The following RFX2 variants were observed in gnomAD, a reference collection of about 807,000 sequenced individuals.
The protein encoded by RFX2 is DNA-binding protein RFX2.
RFX2 carries 20 observed loss-of-function variants against 87.8 expected under a neutral mutation model. The ratio of observed to expected loss-of-function variants is 0.23; its 90% CI spans 0.16 to 0.33. The LOEUF is 0.33. Among genes scored for constraint, RFX2 ranks in the 10% least tolerant of loss-of-function variants. RFX2 has a pLI of 1.00. For missense variants in RFX2, 767 were observed against 1,012.3 expected (o/e 0.76, Z 3.29); for synonymous variants, 397 against 431.3 (o/e 0.92, Z 0.98).
intron 5 of RFX2, among the ~76,000 whole-genome samples, chr19:6,036,571 A>G (rs2087027736): frequency 1.3e-5 from 2 of 152,242 alleles, no homozygotes; most frequent in South Asian, 4.1e-4. Context: ...CCAAAATAAG[A>G]AGTTATTGTG....
rs1226909087 is a variant in RFX2, at chr19:6,024,609, G to T, written c.597+1554C>A. Among the ~76,000 whole-genome samples, 1 of 152,184 alleles carries T rather than the reference G, an allele frequency of 6.6e-6. No individual in the cohort carries two copies. Among genetic ancestry groups the T allele is most frequent in the Non-Finnish European group, 1.5e-5 (1 of 68,036 alleles). The stretch of plus-strand genomic sequence containing the variant: ...CACCTGTACCTAACCCATAACCCAG[G>T]TTTCTGGACCTGTCCTACATCACTT... On this transcript the variant is annotated intron_variant, in intron 6 of 17. Coordinates refer to ENST00000303657, the MANE Select transcript of RFX2 (RefSeq NM_000635.4). The surrounding 1 kb of genome is among the most constrained non-coding windows in gnomAD (Gnocchi z 5.0).
At chr19:6,089,838 T>C (rs1220103044) in intron 1 of RFX2, among the ~76,000 whole-genome samples, 1 of 152,204 alleles carries the variant, frequency 6.6e-6, no homozygotes, top group Non-Finnish European at 1.5e-5. Context: ...TTACATGTGC[T>C]GGGGACCTTC....
At chr19:6,102,974 T>G (rs2088150796) in intron 1 of RFX2, among the ~76,000 whole-genome samples, 1 of 152,124 alleles carries the variant, frequency 6.6e-6, no homozygotes, top group South Asian at 2.1e-4. Flanking sequence ...TCGTTTTTTA[T>G]TATGAATTAC....
Position 6,045,007 on chromosome 19 carries a change from G to C in RFX2, c.91-725C>G, listed in dbSNP as rs576853750. 6.6e-6 allele frequency among the ~76,000 whole-genome samples: 1 copy of C among 152,202 alleles called. No individual in the cohort carries two copies. The highest frequency in any genetic ancestry group is 1.5e-5 in the Non-Finnish European group (1 of 68,044). Reference sequence around the variant, plus strand: ...GGGTCAAAGTGAACTCGAGTCGAGGGAGGAACAGGAGTGTTTTGTGTGTTT... The same window carrying C: ...GGGTCAAAGTGAACTCGAGTCGAGGCAGGAACAGGAGTGTTTTGTGTGTTT... On this transcript the variant is annotated intron_variant, in intron 2 of 17. Transcript: ENST00000303657. This position sits in a 1 kb window ranked among gnomAD's most constrained non-coding sequence, Gnocchi z 5.2.
chr19:6,106,895 T>C (rs2144919432), intron 1 of RFX2, among the ~76,000 whole-genome samples: 1 of 149,416 alleles, frequency 6.7e-6, no homozygotes, highest in East Asian at 1.9e-4. Flanking sequence ...AATATTTAAA[T>C]ATTTAATAAA....
rs1389657323 is a variant in RFX2, at chr19:6,017,320, G to T, written c.598-1049C>A. ...GAGAGGTGAACATCCAGTTAGAAGG[G>T]CTGCGAGAACTGTCCACACGAAGAG... On this transcript the variant is annotated intron_variant, in intron 6 of 17. Coordinates refer to ENST00000303657, the MANE Select transcript of RFX2 (RefSeq NM_000635.4). This position sits in a 1 kb window ranked among gnomAD's most constrained non-coding sequence, Gnocchi z 4.1. 1.3e-5 allele frequency among the ~76,000 whole-genome samples: 2 copies of T among 152,312 alleles called. No individual in the cohort carries two copies. The highest frequency in any genetic ancestry group is 4.1e-4 in the South Asian group (2 of 4,828).
chr19:6,003,439 G>A (rs1419201203), intron 13 of RFX2, among the ~76,000 whole-genome samples: 4 of 152,050 alleles, frequency 2.6e-5, no homozygotes, highest in African/African-American at 7.2e-5. Flanking sequence ...AAGAGCAGGC[G>A]GGTGCCCTGC....
At chr19:6,036,146 A>G (rs1475969353) in intron 5 of RFX2, among the ~76,000 whole-genome samples, 1 of 152,236 alleles carries the variant, frequency 6.6e-6, no homozygotes, top group African/African-American at 2.4e-5. Flanking sequence ...CAATTACTGT[A>G]GTCTGCGAGG....
At position 5,993,795 on chromosome 19, in the gene RFX2, T is replaced by C. The variant is rs1436564948; in HGVS notation, c.*1040A>G. On this transcript the variant is annotated 3_prime_UTR_variant, in exon 18 of 18. Coordinates refer to ENST00000303657, the MANE Select transcript of RFX2 (RefSeq NM_000635.4). ...TATTTGTTTGTCCCGAGAGAAGAGTTTTGACTTTGAAGAGGTCCAGGTGGG... is the reference window on the plus strand; with the variant it reads ...TATTTGTTTGTCCCGAGAGAAGAGTCTTGACTTTGAAGAGGTCCAGGTGGG... 6.6e-6 allele frequency: 1 copy of C among 152,058 alleles called. No individual in the cohort carries two copies. Among genetic ancestry groups the C allele is most frequent in the African/African-American group, 2.4e-5 (1 of 41,382 alleles). 9.4% of individuals were successfully genotyped at this position (152,058 alleles called of 1,614,324 possible).
Position 5,994,002 on chromosome 19 carries a change from G to A in RFX2, c.*833C>T, listed in dbSNP as rs545398040. 2.6e-5 allele frequency: 4 copies of A among 152,366 alleles called. No homozygotes were observed. Among genetic ancestry groups the A allele is most frequent in the Non-Finnish European group, 5.9e-5 (4 of 68,050 alleles). 9.4% of individuals were successfully genotyped at this position (152,366 alleles called of 1,614,324 possible). On this transcript the variant is annotated 3_prime_UTR_variant, in exon 18 of 18. Coordinates refer to ENST00000303657, the MANE Select transcript of RFX2 (RefSeq NM_000635.4). ...CCACAGCCAGTGGCTTGATGGTGACGGTGAACTTGGACAGAGTCCCACATC... is the reference window on the plus strand; with the variant it reads ...CCACAGCCAGTGGCTTGATGGTGACAGTGAACTTGGACAGAGTCCCACATC...
intron 3 of RFX2, among the ~76,000 whole-genome samples, chr19:6,043,428 C>T (rs2087140667): frequency 6.6e-6 from 1 of 152,232 alleles, no homozygotes; most frequent in African/African-American, 2.4e-5. Context: ...GCGGTGCATT[C>T]TCTAGGGCCT....
At chr19:6,070,576 C>T (rs2087592754) in intron 1 of RFX2, among the ~76,000 whole-genome samples, 1 of 152,206 alleles carries the variant, frequency 6.6e-6, no homozygotes, top group Admixed American at 6.5e-5. Context: ...CTCCAGCAGA[C>T]CCTGGGTTCA....
At chr19:6,028,603 C>A (rs2086918398) in intron 5 of RFX2, among the ~76,000 whole-genome samples, 1 of 152,014 alleles carries the variant, frequency 6.6e-6, no homozygotes, top group South Asian at 2.1e-4. Flanking sequence ...AGAACCCATC[C>A]CTTCACAAAA....
intron 1 of RFX2, among the ~76,000 whole-genome samples, chr19:6,071,032 A>G (rs1364610320): frequency 6.6e-6 from 1 of 152,110 alleles, no homozygotes; most frequent in African/African-American, 2.4e-5. Flanking sequence ...TGCTTTCCTT[A>G]TGGTTACTCC....
chr19:6,088,197 C>T (rs1159252304), intron 1 of RFX2, among the ~76,000 whole-genome samples: 3 of 149,446 alleles, frequency 2.0e-5, no homozygotes, highest in Non-Finnish European at 4.4e-5. Context: ...CAGAGAAGGG[C>T]CAGGGCACTA....
intron 1 of RFX2, among the ~76,000 whole-genome samples, chr19:6,058,571 G>A (rs1218889404): frequency 5.3e-5 from 8 of 151,684 alleles, no homozygotes; most frequent in Admixed American, 6.5e-5. Context: ...CCTAAGCCAC[G>A]GGGGTGCCCG....
intron 1 of RFX2, among the ~76,000 whole-genome samples, chr19:6,086,255 A>G (rs1239246887): frequency 6.6e-6 from 1 of 152,168 alleles, no homozygotes; most frequent in Admixed American, 6.5e-5. Context: ...TCGCTTCCTG[A>G]CAGGGATACG....
At chr19:6,046,293 C>T (rs971679273) in intron 2 of RFX2, among the ~76,000 whole-genome samples, 1 of 152,154 alleles carries the variant, frequency 6.6e-6, no homozygotes, top group Non-Finnish European at 1.5e-5. Context: ...AATTCTAACT[C>T]ATCTAGGCTG....
In RFX2 at chr19:6,035,039, G is replaced by T. The variant is rs73923424; in HGVS notation, c.522+4941C>A. 2.0e-3 allele frequency among the ~76,000 whole-genome samples: 312 copies of T among 152,292 alleles called. 1 individual carries two copies. Among genetic ancestry groups the T allele is most frequent in the African/African-American group, 7.4e-3 (309 of 41,572 alleles). ...CTTCAGCTGCAATTAAAATCCATTA[G>T]ACTTTTTTGATCTTCTGCTGTATTA... On this transcript the variant is annotated intron_variant, in intron 5 of 17. Coordinates refer to ENST00000303657, the MANE Select transcript of RFX2 (RefSeq NM_000635.4).
Sources: allele counts gnomAD v4.1 joint callset (sites outside exome capture counted in the v4.1 genomes callset), GRCh38; gene constraint gnomAD v4.1.1; non-coding constraint Gnocchi (gnomAD v3.1); transcripts MANE v1.5; gene names NCBI Gene and HGNC (gene_info 2026-07-23, HGNC 2026-07-21).